The following ACSBG2 variants were observed in gnomAD, a reference collection of about 807,000 sequenced individuals.
The protein encoded by ACSBG2 is long-chain-fatty-acid--CoA ligase ACSBG2.
ACSBG2 carries 62 observed loss-of-function variants against 74.7 expected under a neutral mutation model. The ratio of observed to expected loss-of-function variants is 0.83; its 90% CI spans 0.68 to 1.03. The LOEUF (loss-of-function observed/expected upper bound fraction) is 1.03. Among genes scored for constraint, ACSBG2 ranks in the 50% least tolerant of loss-of-function variants. The pLI is 0.00. For synonymous variants in ACSBG2, 309 were observed against 294.1 expected (o/e 1.05, Z -0.52); for missense variants, 730 against 817.6 (o/e 0.89, Z 1.31).
intron 5 of ACSBG2, among the ~76,000 whole-genome samples, chr19:6,160,181 G>A (rs1162643202): frequency 1.3e-5 from 2 of 152,058 alleles, no homozygotes; most frequent in African/African-American, 4.8e-5. Flanking sequence ...ACGAGGTCAG[G>A]AGATCGAGAC....
intron 8 of ACSBG2, among the ~76,000 whole-genome samples, chr19:6,179,794 G>A (rs1600114196): frequency 6.6e-6 from 1 of 151,962 alleles, no homozygotes; most frequent in Admixed American, 6.6e-5. Context: ...TGTATTTTTA[G>A]TAGAGACGGG....
chr19:6,163,807 A>T (rs2089710971), intron 6 of ACSBG2, among the ~76,000 whole-genome samples: 1 of 140,262 alleles, frequency 7.1e-6, no homozygotes, highest in African/African-American at 2.7e-5. Flanking sequence ...AAAAACAGCC[A>T]GGCGTGGTGG....
chr19:6,157,047 T>C (rs1352951622), intron 5 of ACSBG2, among the ~76,000 whole-genome samples: 2 of 151,852 alleles, frequency 1.3e-5, no homozygotes, highest in East Asian at 1.9e-4. Flanking sequence ...CCTGGGTTCA[T>C]GCCATTCTCC....
chr19:6,181,153 G>A (rs1373714972), intron 8 of ACSBG2, among the ~76,000 whole-genome samples: 1 of 149,924 alleles, frequency 6.7e-6, no homozygotes, highest in Non-Finnish European at 1.5e-5. Context: ...AAACCTGGGA[G>A]GCAAAGGCTG....
At chr19:6,162,566 CAAAAA>C (rs58138677) in intron 6 of ACSBG2, among the ~76,000 whole-genome samples, 123 of 84,206 alleles carry the variant, frequency 1.5e-3, no homozygotes, top group African/African-American at 4.9e-3. Context: ...GACTCCGTCT[CAAAAA>C]AAAAAAAAAA....
intron 14 of ACSBG2, chr19:6,192,047 C>T (rs2090576678): frequency 1.0e-5 from 1 of 97,286 alleles, no homozygotes; most frequent in Admixed American, 1.4e-4. Context: ...ACATAAAACA[C>T]ACTGGGCTTC....
chr19:6,184,849 A>AAAAAAC (rs2090356105), intron 10 of ACSBG2, among the ~76,000 whole-genome samples: 2 of 129,620 alleles, frequency 1.5e-5, no homozygotes, highest in Non-Finnish European at 3.1e-5. Flanking sequence ...AAAAAAAAAA[A>AAAAAAC]AAAAAAAAAA....
At chr19:6,146,066 A>G (rs1429373416) in intron 2 of ACSBG2, among the ~76,000 whole-genome samples, 1 of 152,214 alleles carries the variant, frequency 6.6e-6, no homozygotes, top group African/African-American at 2.4e-5. Context: ...TTACCTTTAA[A>G]AAAATCTCCG....
At chr19:6,161,139 A>T (rs2089596511) in intron 5 of ACSBG2, 76 bp from the exon 6 acceptor site, 1 of 1,193,626 alleles carries the variant, frequency 8.4e-7, no homozygotes, top group Non-Finnish European at 1.2e-6. Flanking sequence ...GAGAGAGCTT[A>T]CTTAGGACAT....
intron 7 of ACSBG2, among the ~76,000 whole-genome samples, chr19:6,172,400 G>A (rs1373009468): frequency 2.6e-5 from 4 of 152,186 alleles, no homozygotes; most frequent in African/African-American, 9.7e-5. Flanking sequence ...TGGCTGTGGT[G>A]TATGTTGTGT....
intron 6 of ACSBG2, among the ~76,000 whole-genome samples, chr19:6,164,527 A>C (rs2089735562): frequency 7.0e-6 from 1 of 142,520 alleles, no homozygotes; most frequent in South Asian, 2.2e-4. Context: ...CCACCTCCCC[A>C]TTTCAAGCGA....
rs1360981667 is a variant in ACSBG2, at chr19:6,183,412, G to C, written c.1322+140G>C. On this transcript the variant is annotated intron_variant, in intron 10 of 14. Transcript: ENST00000588485. Reference sequence around the variant, plus strand: ...AATGATCCTGTTCTCCAGCCTCCAAGTCCTAACTCCGCATGACCGTGGGAA... The same window carrying C: ...AATGATCCTGTTCTCCAGCCTCCAACTCCTAACTCCGCATGACCGTGGGAA... 4 of 717,664 alleles carry C rather than the reference G, an allele frequency of 5.6e-6. No individual in the cohort carries two copies. In the African/African-American group the frequency reaches 7.2e-5, roughly 13 times the overall value. 44.5% of individuals were successfully genotyped at this position (717,664 alleles called of 1,614,324 possible).
chr19:6,161,415 C>T, intron 6 of ACSBG2, 120 bp downstream of exon 6: 2 of 887,368 alleles, frequency 2.3e-6, no homozygotes, highest in Non-Finnish European at 3.5e-6. Context: ...GGTGGGAACT[C>T]TCAAAGGAAG....
At chr19:6,168,895 C>T (rs1044363568) in intron 7 of ACSBG2, among the ~76,000 whole-genome samples, 3 of 152,134 alleles carry the variant, frequency 2.0e-5, no homozygotes, top group Non-Finnish European at 4.4e-5. Flanking sequence ...TCTCCTGCCT[C>T]AGCCTCCCAA....
At chr19:6,151,828 T>A in intron 4 of ACSBG2, 33 bp downstream of exon 4, 1 of 1,559,336 alleles carries the variant, frequency 6.4e-7, no homozygotes, top group Non-Finnish European at 8.7e-7. Flanking sequence ...TGGTGAGGGT[T>A]AAGGAGCCGC....
At chr19:6,143,162 G>A (rs1001247055) in intron 2 of ACSBG2, among the ~76,000 whole-genome samples, 1 of 151,882 alleles carries the variant, frequency 6.6e-6, no homozygotes, top group Non-Finnish European at 1.5e-5. Context: ...CTCATGCCTC[G>A]GCCACCCAAA....
chr19:6,182,989 C>T, intron 9 of ACSBG2, 50 bp from the exon 10 acceptor site: 1 of 1,612,688 alleles, frequency 6.2e-7, no homozygotes, highest in African/African-American at 1.3e-5. Context: ...TCAGCCTTCT[C>T]CAGTGGGTCC....
chr19:6,159,491 A>T (rs1189988358), intron 5 of ACSBG2, among the ~76,000 whole-genome samples: 1 of 152,238 alleles, frequency 6.6e-6, no homozygotes, highest in Non-Finnish European at 1.5e-5. Context: ...TAGCAGGTCC[A>T]GCATTAAGTG....
intron 10 of ACSBG2, among the ~76,000 whole-genome samples, chr19:6,184,899 A>ATTTTC (rs2090364003): frequency 9.0e-6 from 1 of 110,628 alleles, no homozygotes; most frequent in South Asian, 3.4e-4. Flanking sequence ...ATGCTGCTGG[A>ATTTTC]TTTTCTTTCA....
Sources: allele counts gnomAD v4.1 joint callset (sites outside exome capture counted in the v4.1 genomes callset), GRCh38; gene constraint gnomAD v4.1.1; transcripts MANE v1.5; gene names NCBI Gene and HGNC (gene_info 2026-07-23, HGNC 2026-07-21).